The following ARAP1 variants were observed in gnomAD, a reference collection of about 807,000 sequenced individuals.
The protein encoded by ARAP1 is ArfGAP with RhoGAP domain, ankyrin repeat and PH domain 1, also known as arf-GAP with Rho-GAP domain, ANK repeat and PH domain-containing protein 1.
In ARAP1, 76 loss-of-function variants were observed where a neutral mutation model predicts 172.2. The ratio of observed to expected loss-of-function variants is 0.44; its 90% CI spans 0.37 to 0.53. The LOEUF (loss-of-function observed/expected upper bound fraction) is 0.53. ARAP1 is among the 20% of genes least tolerant of loss of function. ARAP1 has a pLI of 0.00. For synonymous variants in ARAP1, 804 were observed against 803.3 expected (o/e 1.00, Z -0.01); for missense variants, 1,686 against 1,977.5 (o/e 0.85, Z 2.80).
At position 72,707,375 on chromosome 11, in the gene ARAP1, C is replaced by T; in HGVS notation, c.1524-1G>A. On this transcript the variant is annotated splice_acceptor_variant, in intron 11 of 34. Coordinates refer to ENST00000393609, the MANE Select transcript of ARAP1 (RefSeq NM_001040118.3). LOFTEE classifies it high-confidence loss of function. ...CTCTAGCTCTGAGTCAGCAGAGAAG[C>T]TGGGGACATAGGGGTGGGGAGATTA... The T allele has an allele frequency of 6.2e-7, 1 of 1,610,662 alleles. No individual in the cohort carries two copies. The highest frequency in any genetic ancestry group is 8.5e-7 in the Non-Finnish European group (1 of 1,178,102).
At chr11:72,746,936 G>C (rs1487481074) in intron 1 of ARAP1, among the ~76,000 whole-genome samples, 3 of 152,230 alleles carry the variant, frequency 2.0e-5, no homozygotes, top group Non-Finnish European at 2.9e-5. Context: ...GGAGGAGAGA[G>C]GGGGATGCCC....
intron 1 of ARAP1, among the ~76,000 whole-genome samples, chr11:72,748,426 A>T (rs952555644): frequency 6.6e-6 from 1 of 152,042 alleles, no homozygotes; most frequent in Non-Finnish European, 1.5e-5. Flanking sequence ...AGGCTGAGGC[A>T]GGAGAATCGC....
chr11:72,727,374 C>A (rs1232892792), intron 2 of ARAP1, among the ~76,000 whole-genome samples: 1 of 152,222 alleles, frequency 6.6e-6, no homozygotes, highest in Non-Finnish European at 1.5e-5. Context: ...ACCCCCTCAC[C>A]CCTTCCCTTG....
At position 72,710,527 on chromosome 11, in the gene ARAP1, G is replaced by A; in HGVS notation, c.1274C>T (p.Ala425Val). 1 of 1,613,370 alleles carries A rather than the reference G, an allele frequency of 6.2e-7. No homozygotes were observed. The highest frequency in any genetic ancestry group is 8.5e-7 in the Non-Finnish European group (1 of 1,179,986). ...CAGCAGATAAGCGCTAGAGAGCCGG[G>A]CCCGGGCACGCTGCTCAGCCATGGC... ...QQAMAEQRAR[A>V]RLSSAYLLGV... The change falls in exon 10 of 35, where the codon GCC becomes GTC. Residue 425 changes from alanine to valine, a missense_variant. Transcript: ENST00000393609. This position sits in a 1 kb window ranked among gnomAD's most constrained non-coding sequence, Gnocchi z 4.3.
Position 72,698,003 on chromosome 11 carries a change from C to T in ARAP1, c.2645G>A (p.Gly882Asp), listed in dbSNP as rs1484463476. 2 of 1,611,574 alleles carry T rather than the reference C, an allele frequency of 1.2e-6. No individual in the cohort carries two copies. The highest frequency in any genetic ancestry group is 1.7e-6 in the Non-Finnish European group (2 of 1,179,048). The change falls in exon 19 of 35, where the codon GGC becomes GAC. Residue 882 changes from glycine to aspartate, a missense_variant. Physicochemically the swap from Gly to Asp is moderately conservative, Grantham distance 94. This residue lies in a region of ARAP1 where 688 missense variants were observed against 856.9 expected (regional missense o/e 0.80). Transcript: ENST00000393609. ...AGLSLQRAQEGWFSLSGSELR... is the reference protein window; with the variant it reads ...AGLSLQRAQEDWFSLSGSELR... ...CTCCGAGCCACTGAGAGAGAACCAG[C>T]CCTCCTGGGCCCGCTGTAGGCTCAG...
intron 7 of ARAP1, among the ~76,000 whole-genome samples, 195 bp from the exon 8 acceptor site, chr11:72,711,694 CTTTTTTTT>C (rs58109830): frequency 8.4e-6 from 1 of 118,886 alleles, no homozygotes; most frequent in Non-Finnish European, 1.7e-5. Flanking sequence ...TAGCACATCT[CTTTTTTTT>C]TTTTTTTTTT....
rs113714856 is a variant in ARAP1, at chr11:72,727,214, G to A, written c.-44-42C>T. 6,499 of 1,439,844 alleles carry A rather than the reference G, an allele frequency of 4.5e-3. 29 individuals carry two copies. Among genetic ancestry groups the A allele is most frequent in the Non-Finnish European group, 5.6e-3 (6,088 of 1,091,696 alleles). The allele number at this position is 1,439,844 out of a possible 1,614,324, so 89.2% of individuals were successfully genotyped here. On this transcript the variant is annotated intron_variant, in intron 2 of 34. Coordinates refer to ENST00000393609, the MANE Select transcript of ARAP1 (RefSeq NM_001040118.3). ...GGCACAGGTCAGAGGCAGGGCTGCC[G>A]AGGATTGGTCCCCTCACCAGCAGCC...
intron 11 of ARAP1, 99 bp from the exon 12 acceptor site, chr11:72,707,473 G>C: frequency 8.5e-7 from 1 of 1,169,774 alleles, no homozygotes; most frequent in Non-Finnish European, 1.2e-6. Context: ...AAGGTGTTGG[G>C]AGCGCTTAGG....
At chr11:72,689,393 C>G (rs943186787) in intron 30 of ARAP1, 4 of 152,240 alleles carry the variant, frequency 2.6e-5, no homozygotes, top group Non-Finnish European at 5.9e-5. Flanking sequence ...ACCAGGCACC[C>G]CTGGAGTCCA....
chr11:72,743,001 T>G (rs1210655535), intron 1 of ARAP1, among the ~76,000 whole-genome samples: 1 of 152,146 alleles, frequency 6.6e-6, no homozygotes, highest in Non-Finnish European at 1.5e-5. Flanking sequence ...TCATACCCAT[T>G]CGGGCACCTC....
rs1856202971 is a variant in ARAP1, at chr11:72,696,575, C to T, written c.3246G>A (p.Val1082=). The change falls in exon 23 of 35, where the codon GTG becomes GTA. Residue 1082 remains valine, a synonymous_variant. Transcript: ENST00000393609. Reference sequence around the variant, plus strand: ...AGTACAGGTGGCTGATAAGGGCCTTCACTGTGGCCCGGTTGACAGGGGGCA... The same window carrying T: ...AGTACAGGTGGCTGATAAGGGCCTTTACTGTGGCCCGGTTGACAGGGGGCA... ...VRLPPVNRAT[V]KALISHLYCV... The T allele has an allele frequency of 6.3e-7, 1 of 1,597,982 alleles. No homozygotes were observed. Among genetic ancestry groups the T allele is most frequent in the South Asian group, 1.1e-5 (1 of 89,794 alleles).
intron 1 of ARAP1, among the ~76,000 whole-genome samples, chr11:72,735,068 C>T (rs1421557463): frequency 6.6e-6 from 1 of 152,018 alleles, no homozygotes. Context: ...GCAACCTCTG[C>T]CTCTTGGGCC....
At chr11:72,714,394 A>G in intron 3 of ARAP1, 73 bp from the exon 4 acceptor site, 1 of 1,451,748 alleles carries the variant, frequency 6.9e-7, no homozygotes, top group African/African-American at 1.5e-5. Flanking sequence ...CCCCCAGCTC[A>G]CCTGAACTGC....
At chr11:72,700,867 G>A (rs780686447) in intron 16 of ARAP1, among the ~76,000 whole-genome samples, 6 of 152,172 alleles carry the variant, frequency 3.9e-5, no homozygotes, top group Non-Finnish European at 7.3e-5. Flanking sequence ...GCATGATGGC[G>A]CATGCCTGTA....
At chr11:72,728,923 A>C (rs938172788) in intron 2 of ARAP1, among the ~76,000 whole-genome samples, 8 of 152,236 alleles carry the variant, frequency 5.3e-5, no homozygotes, top group African/African-American at 1.9e-4. Context: ...GCTGATTTGA[A>C]ATTTCATGTG....
intron 5 of ARAP1, 162 bp downstream of exon 5, chr11:72,713,014 C>T (rs1324345000): frequency 1.5e-5 from 11 of 745,552 alleles, no homozygotes; most frequent in Admixed American, 2.7e-5. Flanking sequence ...TGTGGCTACA[C>T]GTGACTCCTG....
chr11:72,687,561 G>A (rs980337547), intron 32 of ARAP1, 59 bp from the exon 33 acceptor site: 18 of 1,613,036 alleles, frequency 1.1e-5, no homozygotes, highest in African/African-American at 1.1e-4. Flanking sequence ...AGGGAACACC[G>A]TGTCTGCCTT....
chr11:72,693,396 GCAGGCC>G lies in ARAP1; in HGVS notation c.3877_3882del (p.Gly1293_Leu1294del). 6.2e-7 allele frequency: 1 copy of G among 1,613,930 alleles called. No individual in the cohort carries two copies. Among genetic ancestry groups the G allele is most frequent in the Non-Finnish European group, 8.5e-7 (1 of 1,179,868 alleles). On this transcript the variant is annotated inframe_deletion, in exon 29 of 35. Coordinates refer to ENST00000393609, the MANE Select transcript of ARAP1 (RefSeq NM_001040118.3). The surrounding 1 kb of genome is among the most constrained non-coding windows in gnomAD (Gnocchi z 4.6). ...TAGCGATCGTGGAAGCCACCTGAGG[GCAGGCC>G]CAGGCCCAGGAGGCTGCGGTCCTCA...
At chr11:72,687,122 G>T (rs1044680373) in intron 33 of ARAP1, 1 of 401,020 alleles carries the variant, frequency 2.5e-6, no homozygotes. Context: ...CAGATCCCCT[G>T]GGCTCTTCAC....
Sources: allele counts gnomAD v4.1 joint callset (sites outside exome capture counted in the v4.1 genomes callset), GRCh38; gene constraint gnomAD v4.1.1; regional missense constraint gnomAD v4.1.1; non-coding constraint Gnocchi (gnomAD v3.1); transcripts MANE v1.5; gene names NCBI Gene and HGNC (gene_info 2026-07-23, HGNC 2026-07-21).